Variants in CFAP46 observed in about 807,000 individuals in gnomAD.
CFAP46 encodes cilia and flagella associated protein 46, also known as cilia- and flagella-associated protein 46.
CFAP46 carries 245 observed loss-of-function variants against 325.7 expected under a neutral mutation model. That is an observed-to-expected ratio of 0.75 (90% CI 0.68 to 0.84). The LOEUF is 0.84. CFAP46 is among the 40% of genes least tolerant of loss of function. The probability of loss-of-function intolerance (pLI) is 0.00; values close to 1 mark genes in which losing one functional copy is unlikely to be tolerated. For synonymous variants in CFAP46, 1,523 were observed against 1,495.9 expected, an observed-to-expected ratio of 1.02 and a Z score of -0.42; for missense variants, 3,346 against 3,543.0, an observed-to-expected ratio of 0.94 and a Z score of 1.41.
chr10:132,851,603 TG>T (rs1248420436), intron 39 of CFAP46, among the ~76,000 whole-genome samples: 3 of 152,208 alleles, frequency 2.0e-5, no homozygotes, highest in Non-Finnish European at 4.4e-5. Context: ...CGTACCTAAG[TG>T]GAGGCGCACA....
At chr10:132,846,354 C>T (rs762707697) in intron 43 of CFAP46, 127 bp from the exon 44 acceptor site, 19 of 1,178,570 alleles carry the variant, frequency 1.6e-5, no homozygotes, top group African/African-American at 3.1e-5. Flanking sequence ...GGCAAGGCTC[C>T]CCTGGGATGC....
At chr10:132,922,744 C>T (rs767730284) in intron 11 of CFAP46, 36 bp from the exon 12 acceptor site, 23 of 1,488,528 alleles carry the variant, frequency 1.5e-5, no homozygotes, top group Admixed American at 4.0e-5. Flanking sequence ...GCCCTGGCGG[C>T]GCTGCGCCTC....
chr10:132,851,731 G>C (rs536289422), intron 39 of CFAP46, among the ~76,000 whole-genome samples: 1 of 152,256 alleles, frequency 6.6e-6, no homozygotes, highest in Non-Finnish European at 1.5e-5. Context: ...CCGTGTGCAC[G>C]CGCCACACCC....
chr10:132,937,676 C>T lies in CFAP46; in HGVS notation c.537-1G>A. On this transcript the variant is annotated splice_acceptor_variant, in intron 5 of 57. Transcript: ENST00000368586. LOFTEE classifies it high-confidence loss of function. ...TTGCAGATAACACTCCAGAAGTTCC[C>T]TGGATAATAGAAACACACCACTGGT... The T allele has an allele frequency of 1.2e-6, 2 of 1,603,028 alleles. No homozygotes were observed. The highest frequency in any genetic ancestry group is 1.3e-5 in the African/African-American group (1 of 74,700).
In CFAP46 at chr10:132,846,881, C is replaced by T. The variant is rs190219030; in HGVS notation, c.6267+51G>A. ...AGGGCCCCAGCTGAAGCCCAGGGTC[C>T]TCCCTCCTCCATGAAGGGCCTGGCT... On this transcript the variant is annotated intron_variant, in intron 43 of 57. Coordinates refer to ENST00000368586, the MANE Select transcript of CFAP46 (RefSeq NM_001200049.3). 2.8e-5 allele frequency: 43 copies of T among 1,556,196 alleles called. No homozygotes were observed. The East Asian group carries it at 8.0e-4, about 29-fold the overall frequency.
rs575836382 is a variant in CFAP46 at position 132,828,766 on chromosome 10, C to T, written c.7117+4592G>A. 1.7e-4 allele frequency among the ~76,000 whole-genome samples: 26 copies of T among 152,206 alleles called. No individual in the cohort carries two copies. The highest frequency in any genetic ancestry group is 3.9e-4 in the East Asian group (2 of 5,176). On this transcript the variant is annotated intron_variant, in intron 50 of 57. Coordinates refer to ENST00000368586, the MANE Select transcript of CFAP46 (RefSeq NM_001200049.3). This position sits in a 1 kb window ranked among gnomAD's most constrained non-coding sequence, Gnocchi z 4.9. ...CGAGCTGATTTTCCTGCGTGGCGTGCGGCCTCGTTTTTGTTGTGTTTCGTT... is the reference window on the plus strand; with the variant it reads ...CGAGCTGATTTTCCTGCGTGGCGTGTGGCCTCGTTTTTGTTGTGTTTCGTT...
Position 132,916,627 on chromosome 10 carries a change from G to T in CFAP46, c.2042C>A (p.Pro681His). The change falls in exon 17 of 58, where the codon CCC becomes CAC. Residue 681 changes from proline to histidine, a missense_variant. Coordinates refer to ENST00000368586, the MANE Select transcript of CFAP46 (RefSeq NM_001200049.3). The stretch of plus-strand genomic sequence containing the variant: ...TGGGTGCTGGCTCAGGTCTTCGGGG[G>T]GGATGGCCCGGTCATTCAGCTCTAC... Reference protein sequence around the residue: ...EGVELNDRAIPPEDLSQHPAG... With the variant: ...EGVELNDRAIHPEDLSQHPAG... 3 of 1,537,620 alleles carry T rather than the reference G, an allele frequency of 2.0e-6. No homozygotes were observed. The highest frequency in any genetic ancestry group is 1.2e-5 in the South Asian group (1 of 82,390).
chr10:132,884,738 C>G lies in CFAP46; in HGVS notation c.3627+365G>C, dbSNP rs1439215856. On this transcript the variant is annotated intron_variant, in intron 27 of 57. Transcript: ENST00000368586. This position sits in a 1 kb window ranked among gnomAD's most constrained non-coding sequence, Gnocchi z 5.4. ...CTCTCCTGTGCAGCCACCCGCCCATCGGGGCCCCTGCCTGCTCTCCTCTGC... is the reference window on the plus strand; with the variant it reads ...CTCTCCTGTGCAGCCACCCGCCCATGGGGGCCCCTGCCTGCTCTCCTCTGC... Among the ~76,000 whole-genome samples, 1 of 152,070 alleles carries G rather than the reference C, an allele frequency of 6.6e-6. No homozygotes were observed. The highest frequency in any genetic ancestry group is 6.5e-5 in the Admixed American group (1 of 15,288).
chr10:132,817,028 T>G lies in CFAP46; in HGVS notation c.7118-2114A>C, dbSNP rs1333647349. ...GTTCCATGTCTCTATTAAGCCAAGA[T>G]TGTTAATTATGTCGCCCTGAATCTC... is the stretch of plus-strand genomic sequence containing the variant. On this transcript the variant is annotated intron_variant, in intron 50 of 57. Transcript: ENST00000368586. This position sits in a 1 kb window ranked among gnomAD's most constrained non-coding sequence, Gnocchi z 4.4. Among the ~76,000 whole-genome samples the G allele has an allele frequency of 6.6e-6, 1 of 152,200 alleles. No homozygotes were observed. Among genetic ancestry groups the G allele is most frequent in the African/African-American group, 2.4e-5 (1 of 41,450 alleles).
intron 6 of CFAP46, 173 bp from the exon 7 acceptor site, chr10:132,937,228 C>A (rs1490082930): frequency 5.7e-6 from 3 of 526,644 alleles, no homozygotes; most frequent in Non-Finnish European, 9.8e-6. Context: ...GCTTTTGGTA[C>A]ATATTCTTGT....
At position 132,850,339 on chromosome 10, in the gene CFAP46, C is replaced by A. The variant is rs145510653; in HGVS notation, c.5857G>T (p.Ala1953Ser). Residue 1953 changes from alanine (A) to serine (S), a missense_variant, in exon 41 of 58, where the codon GCC (alanine) becomes TCC (serine). Ala to Ser is a moderately conservative substitution (Grantham distance 99, BLOSUM62 1). Transcript: ENST00000368586. The stretch of plus-strand genomic sequence containing the variant: ...CTCCCGGCCAGGCCCAGGAGCCGGG[C>A]GCGGATCTCCACACAGCCCACGCTC... ...PLSVGCVEIR[A>S]RLLGLAGRAL... 5 of 1,555,064 alleles carry A rather than the reference C, an allele frequency of 3.2e-6. No individual in the cohort carries two copies. The East Asian group carries it at 9.7e-5, about 30-fold the overall frequency.
chr10:132,825,282 T>TGC (rs1346518581), intron 50 of CFAP46, among the ~76,000 whole-genome samples: 1 of 148,106 alleles, frequency 6.8e-6, no homozygotes, highest in East Asian at 2.0e-4. Context: ...GCTGTGTGTG[T>TGC]GCTGATGTGT....
In CFAP46 at chr10:132,899,109, G is replaced by A. The variant is rs769620962; in HGVS notation, c.3069C>T (p.Ile1023=). The change falls in exon 24 of 58, where the codon ATC becomes ATT. Residue 1023 remains isoleucine, a synonymous_variant. Coordinates refer to ENST00000368586, the MANE Select transcript of CFAP46 (RefSeq NM_001200049.3). ...GCATCACCAGGGCGCTGCTGCCCGC[G>A]ATGCCTCCGAACCTAAAAGAGGGCA... is the stretch of plus-strand genomic sequence containing the variant. The part of the protein sequence containing the change: ...AFTESARFGG[I]AGSSALVMLA... 6.3e-5 allele frequency: 97 copies of A among 1,544,598 alleles called. 1 individual carries two copies. Among genetic ancestry groups the A allele is most frequent in the East Asian group, 2.5e-5 (1 of 40,412 alleles).
chr10:132,822,769 GC>G (rs1847898654), intron 50 of CFAP46, among the ~76,000 whole-genome samples: 2 of 143,668 alleles, frequency 1.4e-5, no homozygotes, highest in South Asian at 4.7e-4. Flanking sequence ...GCTGATGTGT[GC>G]TGTGTGTGCA....
rs1399266913 is a variant in CFAP46 at position 132,832,822 on chromosome 10, G to A, written c.7117+536C>T. 2 of 470,814 alleles carry A rather than the reference G, an allele frequency of 4.2e-6. No individual in the cohort carries two copies. The highest frequency in any genetic ancestry group is 2.0e-5 in the African/African-American group (1 of 50,056). The allele number at this position is 470,814 out of a possible 1,614,324, so 29.2% of individuals were successfully genotyped here. A position where few individuals can be genotyped will look rare whatever the true frequency, so the allele number is the denominator to read the frequency against. ...CACTGTCTGAGTGATTAACGGAGAG[G>A]CTGGCTGTTTACTACACATCTGGTC... On this transcript the variant is annotated intron_variant, in intron 50 of 57. Coordinates refer to ENST00000368586, the MANE Select transcript of CFAP46 (RefSeq NM_001200049.3). The surrounding 1 kb of genome is among the most constrained non-coding windows in gnomAD (Gnocchi z 4.1).
At chr10:132,823,669 A>T (rs1329847717) in intron 50 of CFAP46, among the ~76,000 whole-genome samples, 2 of 80,800 alleles carry the variant, frequency 2.5e-5, no homozygotes, top group African/African-American at 1.1e-4. Flanking sequence ...GTGTGCGCTG[A>T]TGTGTGCTGT....
rs754803127 is a variant in CFAP46, at chr10:132,835,295, G to A, written c.6744+9C>T. 1.2e-6 allele frequency: 2 copies of A among 1,611,904 alleles called. No homozygotes were observed. The highest frequency in any genetic ancestry group is 2.2e-5 in the East Asian group (1 of 44,872). On this transcript the variant is annotated intron_variant, in intron 47 of 57. Coordinates refer to ENST00000368586, the MANE Select transcript of CFAP46 (RefSeq NM_001200049.3). ...CCGGCTGGGTGGCTTGGAGCCTGGA[G>A]GGCCTCACCGAGCCTATGTTCAGGG... is the stretch of plus-strand genomic sequence containing the variant.
At chr10:132,885,713 AT>A in intron 26 of CFAP46, 107 bp downstream of exon 26, 5 of 1,151,370 alleles carry the variant, frequency 4.3e-6, no homozygotes, top group South Asian at 1.5e-5. Flanking sequence ...CCCGGTGGGG[AT>A]GCAGTGGGTG....
At chr10:132,882,558 C>T (rs1227528506) in intron 27 of CFAP46, among the ~76,000 whole-genome samples, 2 of 151,788 alleles carry the variant, frequency 1.3e-5, no homozygotes, top group Admixed American at 1.3e-4. Flanking sequence ...ATGCTGGCCC[C>T]AGGGCGGGGC....
Sources: gnomAD v4.1 joint callset for allele counts (sites outside exome capture counted in the v4.1 genomes callset) on GRCh38, gnomAD v4.1.1 for gene constraint, Gnocchi (gnomAD v3.1) non-coding constraint, MANE v1.5 for transcripts, NCBI Gene and HGNC (gene_info 2026-07-23, HGNC 2026-07-21) for gene names.